Variants in UBE4B observed in about 807,000 individuals in gnomAD.
The protein encoded by UBE4B is ubiquitination factor E4B.
A neutral mutation model predicts 148.1 loss-of-function variants in UBE4B; 27 were observed. The observed-to-expected ratio is 0.18, with a 90% CI of 0.13 to 0.25. The LOEUF is 0.25. UBE4B is among the 10% of genes least tolerant of loss of function. The pLI is 1.00. For synonymous variants in UBE4B, 596 were observed against 619.3 expected, an observed-to-expected ratio of 0.96 and a Z score of 0.56; for missense variants, 1,170 against 1,662.4, an observed-to-expected ratio of 0.70 and a Z score of 5.15.
chr1:10,101,791 G>A (rs189261680), intron 4 of UBE4B, among the ~76,000 whole-genome samples: 61 of 152,284 alleles, frequency 4.0e-4, no homozygotes, highest in Middle Eastern at 6.8e-3. Flanking sequence ...ACAGGCGTGA[G>A]CCACTGCGCC....
intron 1 of UBE4B, among the ~76,000 whole-genome samples, chr1:10,055,288 CTTTTCTTTTCTTTCCTTCT>C (rs1215661735): frequency 7.9e-5 from 12 of 151,584 alleles, no homozygotes; most frequent in South Asian, 2.1e-4. Context: ...CTTTTCTTTT[CTTTTCTTTTCTTTCCTTCT>C]TTTTCTTTTC....
At chr1:10,130,360 C>A in intron 12 of UBE4B, 140 bp from the exon 13 acceptor site, 1 of 782,148 alleles carries the variant, frequency 1.3e-6, no homozygotes, top group South Asian at 1.6e-5. Flanking sequence ...GGATTACAGG[C>A]GTGAGCCACC....
At chr1:10,062,532 C>T (rs1240374773) in intron 1 of UBE4B, among the ~76,000 whole-genome samples, 1 of 138,422 alleles carries the variant, frequency 7.2e-6, no homozygotes, top group African/African-American at 2.7e-5. Flanking sequence ...AGGCTGGTCT[C>T]GAACTCCTGA....
chr1:10,150,808 C>T (rs1327513958), intron 20 of UBE4B, among the ~76,000 whole-genome samples: 3 of 146,072 alleles, frequency 2.1e-5, no homozygotes, highest in Admixed American at 7.1e-5. Context: ...TTCAGTGAGC[C>T]GAGATTGTGC....
intron 4 of UBE4B, 77 bp from the exon 5 acceptor site, chr1:10,102,871 G>C: frequency 7.0e-7 from 1 of 1,422,258 alleles, no homozygotes; most frequent in Non-Finnish European, 9.6e-7. Flanking sequence ...AATTAAATCA[G>C]AATAACGTAT....
At chr1:10,112,138 C>G (rs1337059200) in intron 7 of UBE4B, among the ~76,000 whole-genome samples, 1 of 151,376 alleles carries the variant, frequency 6.6e-6, no homozygotes, top group Non-Finnish European at 1.5e-5. Context: ...GGCACATTTA[C>G]ATTGTGTTTT....
chr1:10,148,798 G>C (rs1160707151), intron 19 of UBE4B, among the ~76,000 whole-genome samples: 2 of 151,960 alleles, frequency 1.3e-5, no homozygotes, highest in Admixed American at 1.3e-4. Flanking sequence ...AAATTAGCCA[G>C]GTATGGTGGC....
chr1:10,144,602 G>A (rs996746419), intron 17 of UBE4B, among the ~76,000 whole-genome samples: 2 of 152,038 alleles, frequency 1.3e-5, no homozygotes, highest in Non-Finnish European at 1.5e-5. Context: ...GGGCATGGTG[G>A]TGAGCACCTG....
chr1:10,128,690 G>T (rs1249349553), intron 11 of UBE4B: 2 of 152,238 alleles, frequency 1.3e-5, no homozygotes, highest in Non-Finnish European at 2.9e-5. Context: ...TCTCAACGTT[G>T]TGTCAATGCC....
rs374909068 is a variant in UBE4B at position 10,179,592 on chromosome 1, G to A, written c.3847+30G>A. On this transcript the variant is annotated intron_variant, in intron 27 of 27. Transcript: ENST00000343090. ...AGGAGGGTGCAGTTTGAGGTGCAGC[G>A]CTGGCGTCAGTACCAAGAGATAAAG... 102 of 1,608,780 alleles carry A rather than the reference G, an allele frequency of 6.3e-5. No individual in the cohort carries two copies. In the Middle Eastern group the frequency reaches 1.2e-3, roughly 18 times the overall value.
chr1:10,119,790 TC>T lies in UBE4B; in HGVS notation c.1439+178del, dbSNP rs781174655. 8.5e-5 allele frequency among the ~76,000 whole-genome samples: 13 copies of T among 152,348 alleles called. No homozygotes were observed. In the South Asian group the frequency reaches 2.7e-3, roughly 32 times the overall value. ...AAAATAAACACTCCTTTCTTCCTCATCTTCTAAAGTAGTACAAAGCATATTT... is the reference window on the plus strand; with the variant it reads ...AAAATAAACACTCCTTTCTTCCTCATTTCTAAAGTAGTACAAAGCATATTT... On this transcript the variant is annotated intron_variant, in intron 9 of 27. Transcript: ENST00000343090.
At chr1:10,058,690 C>T (rs1003732435) in intron 1 of UBE4B, 9 of 152,388 alleles carry the variant, frequency 5.9e-5, no homozygotes, top group African/African-American at 2.2e-4. Context: ...GTGCCTGGCA[C>T]CTGGAGAAGC....
intron 9 of UBE4B, among the ~76,000 whole-genome samples, chr1:10,120,459 G>T (rs1476153400): frequency 3.9e-5 from 6 of 152,194 alleles, no homozygotes; most frequent in African/African-American, 1.2e-4. Context: ...GGAGGTGGAG[G>T]TTGCAGCCGA....
Position 10,033,587 on chromosome 1 carries a change from C to T in UBE4B, c.-84C>T. On this transcript the variant is annotated 5_prime_UTR_variant, in exon 1 of 28. Coordinates refer to ENST00000343090, the MANE Select transcript of UBE4B (RefSeq NM_001105562.3). Reference sequence around the variant, plus strand: ...TCGGGGGACCAGACAGCCTGATAGACACCTTCCACTCTCCTTCCTCCCGCC... The same window carrying T: ...TCGGGGGACCAGACAGCCTGATAGATACCTTCCACTCTCCTTCCTCCCGCC... 7.0e-7 allele frequency: 1 copy of T among 1,419,026 alleles called. No individual in the cohort carries two copies. Among genetic ancestry groups the T allele is most frequent in the Non-Finnish European group, 9.3e-7 (1 of 1,072,884 alleles). 87.9% of individuals were successfully genotyped at this position (1,419,026 alleles called of 1,614,324 possible).
chr1:10,175,085 C>T (rs1219872238), intron 25 of UBE4B, among the ~76,000 whole-genome samples: 2 of 152,114 alleles, frequency 1.3e-5, no homozygotes, highest in Non-Finnish European at 2.9e-5. Flanking sequence ...GACCCATGTC[C>T]AGAAGGCTGA....
chr1:10,159,023 A>G (rs1571003496), intron 22 of UBE4B, among the ~76,000 whole-genome samples: 1 of 152,070 alleles, frequency 6.6e-6, no homozygotes, highest in Admixed American at 6.6e-5. Context: ...AAAAAAAAAA[A>G]AAAGGAAAAG....
chr1:10,145,012 G>A lies in UBE4B; in HGVS notation c.2436G>A (p.Met812Ile). 1 of 1,613,818 alleles carries A rather than the reference G, an allele frequency of 6.2e-7. No homozygotes were observed. The highest frequency in any genetic ancestry group is 8.5e-7 in the Non-Finnish European group (1 of 1,179,830). The change falls in exon 18 of 28, where the codon ATG becomes ATA. Residue 812 changes from methionine to isoleucine, a missense_variant. By Grantham distance (10) the Met-to-Ile change is conservative. Coordinates refer to ENST00000343090, the MANE Select transcript of UBE4B (RefSeq NM_001105562.3). ...DSPLATRHRE[M>I]LKRCKTQLKK... is the part of the protein sequence containing the mutation. ...CACTGGCAACTAGACACCGCGAAAT[G>A]CTGAAGCGCTGTAAAACTCAGCTTA... is the stretch of plus-strand genomic sequence containing the variant.
intron 10 of UBE4B, among the ~76,000 whole-genome samples, chr1:10,123,008 G>C (rs1355511063): frequency 1.3e-5 from 2 of 152,176 alleles, no homozygotes; most frequent in African/African-American, 4.8e-5. Flanking sequence ...ATTCCAGTTA[G>C]TGTTGTGTAT....
intron 10 of UBE4B, among the ~76,000 whole-genome samples, chr1:10,122,361 G>A (rs1645424916): frequency 6.6e-6 from 1 of 152,132 alleles, no homozygotes; most frequent in African/African-American, 2.4e-5. Flanking sequence ...TGATTTCAAG[G>A]AGCTTTTAAA....
Sources: allele counts gnomAD v4.1 joint callset (sites outside exome capture counted in the v4.1 genomes callset), GRCh38; gene constraint gnomAD v4.1.1; transcripts MANE v1.5; gene names NCBI Gene and HGNC (gene_info 2026-07-23, HGNC 2026-07-21).